The following SREK1 variants were observed in gnomAD, a reference collection of about 807,000 sequenced individuals.
SREK1 encodes splicing regulatory glutamine/lysine-rich protein 1.
In SREK1, 13 loss-of-function variants were observed where a neutral mutation model predicts 66.5. The observed-to-expected ratio is 0.20, with a 90% confidence interval of 0.13 to 0.31. SREK1 has a LOEUF of 0.31. SREK1 is among the 10% of genes least tolerant of loss of function. The pLI is 1.00. For synonymous variants in SREK1, 265 were observed against 263.5 expected (o/e 1.01, Z -0.05); for missense variants, 607 against 769.6 (o/e 0.79, Z 2.50).
At chr5:66,146,020 C>T (rs1743164078) in intron 1 of SREK1, among the ~76,000 whole-genome samples, 1 of 151,558 alleles carries the variant, frequency 6.6e-6, no homozygotes, top group African/African-American at 2.4e-5. Flanking sequence ...ATATTCGTGA[C>T]GAGATTCAGG....
chr5:66,153,788 G>T, intron 2 of SREK1, 192 bp downstream of exon 2: 1 of 595,522 alleles, frequency 1.7e-6, no homozygotes. Context: ...GTACATTTGA[G>T]GTTTTACAAT....
At chr5:66,150,088 T>A (rs1743649462) in intron 1 of SREK1, among the ~76,000 whole-genome samples, 1 of 152,260 alleles carries the variant, frequency 6.6e-6, no homozygotes, top group African/African-American at 2.4e-5. Context: ...CCTGATTGAT[T>A]GATCTAGCTC....
intron 1 of SREK1, chr5:66,144,742 G>A: frequency 1.6e-6 from 2 of 1,259,670 alleles, no homozygotes; most frequent in Non-Finnish European, 2.1e-6. Context: ...CTACTGCACG[G>A]AGCCCTTACC....
chr5:66,173,717 A>G (rs1745837307), intron 9 of SREK1, among the ~76,000 whole-genome samples: 1 of 152,240 alleles, frequency 6.6e-6, no homozygotes, highest in Non-Finnish European at 1.5e-5. Context: ...ATAAAGGCAG[A>G]GCGATTTTGT....
chr5:66,160,212 A>C (rs1021807739), intron 3 of SREK1, among the ~76,000 whole-genome samples: 1 of 152,074 alleles, frequency 6.6e-6, no homozygotes. Context: ...AAGAAGTGCC[A>C]TTTTTCTTCA....
intron 3 of SREK1, among the ~76,000 whole-genome samples, chr5:66,160,755 A>G (rs1580644703): frequency 6.6e-6 from 1 of 151,248 alleles, no homozygotes; most frequent in South Asian, 2.1e-4. Flanking sequence ...CCATTACTTA[A>G]CAGTTGTTAA....
At chr5:66,144,665 G>T (rs1192776758) in intron 1 of SREK1, 128 bp downstream of exon 1, 14 of 1,409,112 alleles carry the variant, frequency 9.9e-6, no homozygotes, top group South Asian at 3.0e-5. Flanking sequence ...TTACCTTGGT[G>T]CCCATATTTG....
rs1174104621 is a variant in SREK1 at position 66,182,139 on chromosome 5, T to G, written c.*3271T>G. ...ATTTAATTATTGTTGAATTAACAATTAAAATGAATCCCTTTGGAGGGATGG... is the reference window on the plus strand; with the variant it reads ...ATTTAATTATTGTTGAATTAACAATGAAAATGAATCCCTTTGGAGGGATGG... On this transcript the variant is annotated 3_prime_UTR_variant, in exon 12 of 12. Transcript: ENST00000334121. 3 of 152,054 alleles carry G rather than the reference T, an allele frequency of 2.0e-5. No homozygotes were observed. Among genetic ancestry groups the G allele is most frequent in the Non-Finnish European group, 4.4e-5 (3 of 68,020 alleles). The allele number at this position is 152,054 out of a possible 1,614,324, so 9.4% of individuals were successfully genotyped here.
intron 2 of SREK1, among the ~76,000 whole-genome samples, chr5:66,154,693 C>A (rs1020978437): frequency 6.6e-6 from 1 of 151,992 alleles, no homozygotes; most frequent in Non-Finnish European, 1.5e-5. Flanking sequence ...TTTTTTAAGT[C>A]CCAGAATAGG....
At position 66,162,431 on chromosome 5, in the gene SREK1, A is replaced by G. The variant is rs1278483859; in HGVS notation, c.594A>G (p.Gln198=). The change falls in exon 5 of 12, where the codon CAA becomes CAG. Residue 198 remains glutamine (Q), a synonymous_variant. Coordinates refer to ENST00000334121, the MANE Select transcript of SREK1 (RefSeq NM_001077199.3). The part of the protein sequence containing the change: ...NLNSQTTTAD[Q]LLEFFKQVGE... ...TCCCTTAGACAACGACAGCTGATCA[A>G]CTACTTGAATTTTTTAAACAAGTTG... The G allele has an allele frequency of 1.2e-6, 2 of 1,613,882 alleles. No homozygotes were observed. The highest frequency in any genetic ancestry group is 1.7e-6 in the Non-Finnish European group (2 of 1,179,936).
intron 8 of SREK1, 143 bp from the exon 9 acceptor site, chr5:66,170,442 A>G: frequency 8.4e-7 from 1 of 1,197,238 alleles, no homozygotes; most frequent in Non-Finnish European, 1.2e-6. Flanking sequence ...CTTCTTGTAC[A>G]CCTGAGCTAT....
intron 3 of SREK1, among the ~76,000 whole-genome samples, chr5:66,161,357 G>C (rs1744748944): frequency 6.6e-6 from 1 of 152,196 alleles, no homozygotes; most frequent in Admixed American, 6.5e-5. Flanking sequence ...GACATACACA[G>C]AGTGGTGAAA....
At chr5:66,163,098 C>T (rs1744897767) in intron 5 of SREK1, 1 of 151,866 alleles carries the variant, frequency 6.6e-6, no homozygotes, top group African/African-American at 2.4e-5. Flanking sequence ...TACTCCAGAC[C>T]AGAAATTCTA....
chr5:66,148,688 CTGGGCTTAAGCAG>C (rs59957417), intron 1 of SREK1, among the ~76,000 whole-genome samples: 10,800 of 152,172 alleles, frequency 0.071, 554 homozygotes, highest in Middle Eastern at 0.13. Context: ...ACTCAAACTC[CTGGGCTTAAGCAG>C]TCCGCCTGCT....
chr5:66,180,825 A>T lies in SREK1; in HGVS notation c.*1957A>T, dbSNP rs1746426256. The T allele has an allele frequency of 6.6e-6, 1 of 152,604 alleles. No homozygotes were observed. Among genetic ancestry groups the T allele is most frequent in the Non-Finnish European group, 1.5e-5 (1 of 68,024 alleles). The allele number at this position is 152,604 out of a possible 1,614,324, so 9.5% of individuals were successfully genotyped here. ...TATGATATATAAGTAGAAATAGAGCAAATGTTGGAATCTGTTATTTTTAGT... is the reference window on the plus strand; with the variant it reads ...TATGATATATAAGTAGAAATAGAGCTAATGTTGGAATCTGTTATTTTTAGT... On this transcript the variant is annotated 3_prime_UTR_variant, in exon 12 of 12. Transcript: ENST00000334121.
chr5:66,178,688 A>G, intron 11 of SREK1, 31 bp from the exon 12 acceptor site: 15 of 1,523,226 alleles, frequency 9.8e-6, no homozygotes, highest in Non-Finnish European at 1.3e-5. Context: ...TGAGGAAAAT[A>G]TTAAATGCAT....
chr5:66,146,578 A>G (rs1213683270), intron 1 of SREK1, among the ~76,000 whole-genome samples: 2 of 151,996 alleles, frequency 1.3e-5, no homozygotes, highest in African/African-American at 4.8e-5. Context: ...AAAATCCTTA[A>G]CTAGTTTTTC....
chr5:66,153,547 TA>T lies in SREK1; in HGVS notation c.248del (p.Asn83ThrfsTer9), dbSNP rs1461315350. ...SSVGVAQHLTNTVFIDRALIV... is the reference protein window; with the variant it reads ...SSVGVAQHLTXTVFIDRALIV... ...GTGTTGGCGTGGCCCAGCATCTAACTAACACGGTTTTTATTGACAGAGCTCT... is the reference window on the plus strand; with the variant it reads ...GTGTTGGCGTGGCCCAGCATCTAACTACACGGTTTTTATTGACAGAGCTCT... On this transcript the variant is annotated frameshift_variant, in exon 2 of 12. Coordinates refer to ENST00000334121, the MANE Select transcript of SREK1 (RefSeq NM_001077199.3). LOFTEE classifies it high-confidence loss of function. 6.2e-7 allele frequency: 1 copy of T among 1,614,128 alleles called. No homozygotes were observed. Among genetic ancestry groups the T allele is most frequent in the Non-Finnish European group, 8.5e-7 (1 of 1,179,980 alleles).
intron 2 of SREK1, chr5:66,158,731 T>A (rs1744496247): frequency 8.5e-7 from 1 of 1,173,216 alleles, no homozygotes; most frequent in African/African-American, 1.6e-5. Flanking sequence ...TTGACTAATT[T>A]GGTTATTTGC....
Sources: gnomAD v4.1 joint callset for allele counts (sites outside exome capture counted in the v4.1 genomes callset) on GRCh38, gnomAD v4.1.1 for gene constraint, MANE v1.5 for transcripts, NCBI Gene and HGNC (gene_info 2026-07-23, HGNC 2026-07-21) for gene names.